Variants in RSRC1 observed in about 807,000 individuals in gnomAD.
The protein encoded by RSRC1 is arginine and serine rich coiled-coil 1.
A neutral mutation model predicts 49.1 loss-of-function variants in RSRC1; 39 were observed. That is an observed-to-expected ratio of 0.79 (90% CI 0.61 to 1.04). The LOEUF is 1.04. Ranked by LOEUF, RSRC1 falls within the 50% of genes least tolerant of loss-of-function variation. The probability of loss-of-function intolerance (pLI) is 0.00; values close to 1 mark genes in which losing one functional copy is unlikely to be tolerated. For synonymous variants in RSRC1, 143 were observed against 130.8 expected, an observed-to-expected ratio of 1.09 and a Z score of -0.63; for missense variants, 388 against 402.4, an observed-to-expected ratio of 0.96 and a Z score of 0.31.
intron 3 of RSRC1, among the ~76,000 whole-genome samples, chr3:158,151,054 T>C (rs756110376): frequency 1.4e-4 from 21 of 152,208 alleles, no homozygotes; most frequent in Non-Finnish European, 1.5e-4. Context: ...ATCCTTTGAA[T>C]GTGTAGGGGA....
At chr3:158,260,062 G>A (rs1724801993) in intron 4 of RSRC1, among the ~76,000 whole-genome samples, 1 of 152,102 alleles carries the variant, frequency 6.6e-6, no homozygotes, top group Non-Finnish European at 1.5e-5. Flanking sequence ...TCCACTTGGT[G>A]CTCTACCCCA....
intron 3 of RSRC1, among the ~76,000 whole-genome samples, chr3:158,197,215 C>T (rs1720685948): frequency 2.0e-5 from 3 of 152,094 alleles, no homozygotes. Flanking sequence ...CAACTTCTTC[C>T]TGGTTTAGTC....
chr3:158,177,661 G>A (rs1578167205), intron 3 of RSRC1, among the ~76,000 whole-genome samples: 1 of 152,066 alleles, frequency 6.6e-6, no homozygotes, highest in African/African-American at 2.4e-5. Context: ...GGGGCTGGGA[G>A]AGGGATAGCA....
intron 3 of RSRC1, among the ~76,000 whole-genome samples, chr3:158,170,637 T>G (rs187312085): frequency 6.6e-6 from 1 of 152,278 alleles, no homozygotes; most frequent in East Asian, 1.9e-4. Flanking sequence ...TTTGCTGTCC[T>G]GGATTTGACT....
intron 3 of RSRC1, among the ~76,000 whole-genome samples, chr3:158,145,266 T>A (rs1189820724): frequency 1.3e-5 from 2 of 152,232 alleles, no homozygotes; most frequent in Non-Finnish European, 2.9e-5. Context: ...TGGTTTTAGA[T>A]CTAAGGTTTA....
intron 6 of RSRC1, among the ~76,000 whole-genome samples, chr3:158,445,108 G>A (rs6441200): frequency 0.61 from 92,260 of 151,954 alleles, 28,934 homozygotes; most frequent in African/African-American, 0.75. Flanking sequence ...ATTCCTCAAG[G>A]ATCTAGAACT....
At chr3:158,378,595 C>T (rs1732512594) in intron 6 of RSRC1, among the ~76,000 whole-genome samples, 1 of 152,148 alleles carries the variant, frequency 6.6e-6, no homozygotes, top group East Asian at 1.9e-4. Flanking sequence ...TTAATTTAAC[C>T]TCATCTTCAA....
intron 6 of RSRC1, among the ~76,000 whole-genome samples, chr3:158,413,379 A>T (rs1734564849): frequency 6.6e-6 from 1 of 152,202 alleles, no homozygotes. Flanking sequence ...CCAAAACTAT[A>T]AAAACCCTAG....
At chr3:158,365,449 T>G (rs1731710952) in intron 6 of RSRC1, among the ~76,000 whole-genome samples, 1 of 152,194 alleles carries the variant, frequency 6.6e-6, no homozygotes, top group South Asian at 2.1e-4. Flanking sequence ...GTTTCCAGCT[T>G]CATCCATGTC....
chr3:158,420,612 C>T (rs9846202), intron 6 of RSRC1, among the ~76,000 whole-genome samples: 12,246 of 151,840 alleles, frequency 0.081, 663 homozygotes, highest in Middle Eastern at 0.14. Context: ...CTTTTTATAT[C>T]GTGAGAGTTT....
chr3:158,231,215 C>T (rs1578222331), intron 4 of RSRC1, among the ~76,000 whole-genome samples: 1 of 138,692 alleles, frequency 7.2e-6, no homozygotes, highest in African/African-American at 2.6e-5. Context: ...GCAATCTCAG[C>T]TCACTACAGC....
At chr3:158,176,406 A>G (rs984273329) in intron 3 of RSRC1, among the ~76,000 whole-genome samples, 4 of 152,226 alleles carry the variant, frequency 2.6e-5, no homozygotes, top group Non-Finnish European at 5.9e-5. Flanking sequence ...AAACTATACT[A>G]CAAGGCTACA....
In RSRC1 at chr3:158,377,426, C is replaced by T. The variant is rs1732432963; in HGVS notation, c.583+22518C>T. Among the ~76,000 whole-genome samples, 3 of 152,204 alleles carry T rather than the reference C, an allele frequency of 2.0e-5. No homozygotes were observed. The South Asian group carries it at 6.2e-4, about 32-fold the overall frequency. On this transcript the variant is annotated intron_variant, in intron 6 of 9. Coordinates refer to ENST00000611884, the MANE Select transcript of RSRC1 (RefSeq NM_001271838.2). ...ACCTTATGAATGGCTAGATGACCTC[C>T]TTGTGGTAACGAGTGAATTCTTGCT...
chr3:158,280,629 A>G (rs1168491693), intron 4 of RSRC1, among the ~76,000 whole-genome samples: 2 of 143,010 alleles, frequency 1.4e-5, no homozygotes, highest in African/African-American at 2.6e-5. Context: ...TCAAGAATGA[A>G]GTGATTCCTT....
intron 3 of RSRC1, among the ~76,000 whole-genome samples, chr3:158,147,102 CTTTTTTTT>C (rs35460810): frequency 8.9e-4 from 31 of 34,738 alleles, no homozygotes; most frequent in African/African-American, 3.2e-3. Context: ...GCTTTTCTGC[CTTTTTTTT>C]TTTTTTTTTT....
chr3:158,456,593 G>A (rs1402664555), intron 6 of RSRC1, among the ~76,000 whole-genome samples: 3 of 152,180 alleles, frequency 2.0e-5, no homozygotes, highest in African/African-American at 7.2e-5. Context: ...AGAAGCAACA[G>A]TTTTATCCAC....
intron 4 of RSRC1, among the ~76,000 whole-genome samples, chr3:158,227,124 AT>A (rs377380852): frequency 1.3e-5 from 2 of 151,886 alleles, no homozygotes; most frequent in African/African-American, 4.8e-5. Context: ...GGTTTCCTTT[AT>A]CCCTCCTCCT....
At chr3:158,217,926 A>T (rs770297346) in intron 4 of RSRC1, among the ~76,000 whole-genome samples, 3 of 151,558 alleles carry the variant, frequency 2.0e-5, no homozygotes, top group Non-Finnish European at 3.0e-5. Context: ...AAGAAATAGG[A>T]TGAGTAGGAG....
intron 4 of RSRC1, among the ~76,000 whole-genome samples, chr3:158,246,133 A>G: frequency 6.6e-6 from 1 of 152,088 alleles, no homozygotes; most frequent in East Asian, 1.9e-4. Context: ...ATTCTCAGCA[A>G]ACTATCGTTA....
Sources: gnomAD v4.1 joint callset for allele counts (sites outside exome capture counted in the v4.1 genomes callset) on GRCh38, gnomAD v4.1.1 for gene constraint, MANE v1.5 for transcripts, NCBI Gene and HGNC (gene_info 2026-07-23, HGNC 2026-07-21) for gene names.